Variants in RBFOX1 observed in about 807,000 individuals in gnomAD.
RBFOX1 encodes RNA binding fox-1 homolog 1, also known as RNA binding protein fox-1 homolog 1.
Under a neutral mutation model 57.7 loss-of-function variants are expected in RBFOX1, and 8 were observed. The ratio of observed to expected loss-of-function variants is 0.14; its 90% CI spans 0.08 to 0.25. RBFOX1 has a LOEUF of 0.25. Among genes scored for constraint, RBFOX1 ranks in the 10% least tolerant of loss-of-function variants. RBFOX1 has a pLI of 1.00. For synonymous variants in RBFOX1, 326 were observed against 222.4 expected (o/e 1.47, Z -4.15); for missense variants, 611 against 548.5 (o/e 1.11, Z -1.14).
chr16:6,857,714 C>A (rs1460485354), intron 3 of RBFOX1, among the ~76,000 whole-genome samples: 1 of 152,106 alleles, frequency 6.6e-6, no homozygotes, highest in Non-Finnish European at 1.5e-5. Context: ...TTCATGATTT[C>A]CCATTCTCCT....
intron 3 of RBFOX1, among the ~76,000 whole-genome samples, chr16:6,763,204 G>A (rs1243959433): frequency 6.6e-6 from 1 of 152,144 alleles, no homozygotes; most frequent in Non-Finnish European, 1.5e-5. Context: ...TTTATCAAGT[G>A]GAAGATGTTC....
chr16:7,367,420 A>T (rs146252679), intron 4 of RBFOX1, among the ~76,000 whole-genome samples: 2 of 152,326 alleles, frequency 1.3e-5, no homozygotes, highest in African/African-American at 4.8e-5. Flanking sequence ...GGATTCCATG[A>T]CAAGTCCTTA....
chr16:5,882,220 C>A, intron 4 of RBFOX1, among the ~76,000 whole-genome samples: 1 of 152,256 alleles, frequency 6.6e-6, no homozygotes, highest in East Asian at 1.9e-4. Flanking sequence ...TACCGTTCCT[C>A]GTAGCTATGT....
intron 1 of RBFOX1, among the ~76,000 whole-genome samples, chr16:5,462,201 C>G (rs2068811484): frequency 6.9e-6 from 1 of 144,406 alleles, no homozygotes; most frequent in Admixed American, 7.1e-5. Context: ...TGGAGTCTCG[C>G]TCTGTCACCC....
chr16:6,571,865 T>A (rs1477467645), intron 2 of RBFOX1, among the ~76,000 whole-genome samples: 1 of 152,194 alleles, frequency 6.6e-6, no homozygotes, highest in Non-Finnish European at 1.5e-5. Context: ...TTGAGGATGA[T>A]ATTTCTTTTC....
intron 3 of RBFOX1, among the ~76,000 whole-genome samples, chr16:5,710,883 C>G (rs936434431): frequency 2.0e-5 from 3 of 152,162 alleles, no homozygotes; most frequent in Non-Finnish European, 2.9e-5. Flanking sequence ...ATGACGGGTC[C>G]TCTTTGTCTT....
intron 1 of RBFOX1, among the ~76,000 whole-genome samples, chr16:5,462,879 C>T (rs2068836096): frequency 6.6e-6 from 1 of 152,018 alleles, no homozygotes; most frequent in Non-Finnish European, 1.5e-5. Context: ...GGGACGAGCC[C>T]CACGACAAAG....
intron 3 of RBFOX1, among the ~76,000 whole-genome samples, chr16:6,873,609 C>G (rs2061332107): frequency 1.3e-5 from 2 of 152,096 alleles, no homozygotes; most frequent in African/African-American, 2.4e-5. Context: ...CTAGTTTTTA[C>G]TGGGATTGTG....
At chr16:5,378,081 C>G (rs1258204385) in intron 1 of RBFOX1, among the ~76,000 whole-genome samples, 1 of 151,504 alleles carries the variant, frequency 6.6e-6, no homozygotes, top group Admixed American at 6.6e-5. Flanking sequence ...GCACTGCCTG[C>G]CAATTTGAGG....
intron 2 of RBFOX1, among the ~76,000 whole-genome samples, chr16:5,534,244 T>C (rs1379975493): frequency 6.6e-6 from 1 of 152,184 alleles, no homozygotes; most frequent in Non-Finnish European, 1.5e-5. Context: ...TACCAAGTCA[T>C]ATACTGTATT....
At chr16:6,828,626 C>G (rs2092429175) in intron 3 of RBFOX1, among the ~76,000 whole-genome samples, 1 of 151,912 alleles carries the variant, frequency 6.6e-6, no homozygotes, top group Non-Finnish European at 1.5e-5. Context: ...ACCAAGTGGA[C>G]CCAACATGGT....
At chr16:7,291,989 T>G (rs2095788145) in intron 4 of RBFOX1, among the ~76,000 whole-genome samples, 1 of 60,588 alleles carries the variant, frequency 1.7e-5, no homozygotes, top group Non-Finnish European at 2.9e-5. Flanking sequence ...ATATAGAATA[T>G]ATGATGTATT....
chr16:7,002,161 C>T (rs1231908584), intron 3 of RBFOX1, among the ~76,000 whole-genome samples: 2 of 151,996 alleles, frequency 1.3e-5, no homozygotes, highest in Non-Finnish European at 2.9e-5. Flanking sequence ...TGTGGCCATC[C>T]ACCTCTCAGT....
At chr16:7,673,701 A>G (rs544150303) in intron 13 of RBFOX1, among the ~76,000 whole-genome samples, 7 of 152,242 alleles carry the variant, frequency 4.6e-5, no homozygotes, top group Non-Finnish European at 1.0e-4. Context: ...TGGTGGTGGC[A>G]ACAAGATGCA....
intron 2 of RBFOX1, among the ~76,000 whole-genome samples, chr16:6,468,570 T>A (rs1483011484): frequency 1.3e-5 from 2 of 152,124 alleles, no homozygotes; most frequent in African/African-American, 4.8e-5. Context: ...AAAGGGAAAT[T>A]ATTCTGCCAC....
chr16:7,538,099 C>A (rs2081985670), intron 5 of RBFOX1, among the ~76,000 whole-genome samples: 1 of 152,150 alleles, frequency 6.6e-6, no homozygotes, highest in African/African-American at 2.4e-5. Flanking sequence ...GACCTTGAGA[C>A]TGGGAGACAA....
At chr16:5,348,035 C>T (rs2065182009) in intron 1 of RBFOX1, among the ~76,000 whole-genome samples, 1 of 142,078 alleles carries the variant, frequency 7.0e-6, no homozygotes, top group African/African-American at 2.6e-5. Flanking sequence ...ACCCACCCAT[C>T]AACCCATCCA....
At chr16:5,306,432 G>C (rs561710279) in intron 1 of RBFOX1, among the ~76,000 whole-genome samples, 1 of 151,612 alleles carries the variant, frequency 6.6e-6, no homozygotes, top group Non-Finnish European at 1.5e-5. Flanking sequence ...TGATTCTCCT[G>C]CCTCAGCCTT....
At chr16:6,971,727 G>C (rs2085594798) in intron 3 of RBFOX1, among the ~76,000 whole-genome samples, 1 of 152,108 alleles carries the variant, frequency 6.6e-6, no homozygotes, top group Admixed American at 6.6e-5. Context: ...CTGTGGGAGT[G>C]TGGACGGATT....
Sources: gnomAD v4.1 joint callset for allele counts (sites outside exome capture counted in the v4.1 genomes callset) on GRCh38, gnomAD v4.1.1 for gene constraint, MANE v1.5 for transcripts, NCBI Gene and HGNC (gene_info 2026-07-23, HGNC 2026-07-21) for gene names.